The following VPS13B variants were observed in gnomAD, a reference collection of about 807,000 sequenced individuals.
The protein encoded by VPS13B is vacuolar protein sorting 13 homolog B.
A neutral mutation model predicts 426.4 loss-of-function variants in VPS13B; 285 were observed. That is an observed-to-expected ratio of 0.67 (90% confidence interval 0.61 to 0.74). The LOEUF (loss-of-function observed/expected upper bound fraction) is 0.74, where lower values mean the gene tolerates loss of function less well. Among genes scored for constraint, VPS13B ranks in the 30% least tolerant of loss-of-function variants. VPS13B has a pLI of 0.00. For synonymous variants in VPS13B, 1,676 were observed against 1,676.4 expected (o/e 1.00, Z 0.01); for missense variants, 4,537 against 4,782.6 (o/e 0.95, Z 1.51).
intron 19 of VPS13B, among the ~76,000 whole-genome samples, chr8:99,300,732 G>T (rs1820313975): frequency 6.6e-6 from 1 of 152,068 alleles, no homozygotes; most frequent in African/African-American, 2.4e-5. Context: ...TTACAGAGCT[G>T]GGTTTTAGCC....
intron 33 of VPS13B, among the ~76,000 whole-genome samples, chr8:99,589,449 T>C (rs1826490348): frequency 6.6e-6 from 1 of 151,572 alleles, no homozygotes; most frequent in African/African-American, 2.4e-5. Context: ...AGTGAGAACA[T>C]GCGGTGTTTG....
At chr8:99,874,001 C>A (rs1342200956) in intron 61 of VPS13B, among the ~76,000 whole-genome samples, 1 of 152,208 alleles carries the variant, frequency 6.6e-6, no homozygotes, top group African/African-American at 2.4e-5. Context: ...TGACATCATG[C>A]AGTACATTTA....
At chr8:99,585,869 T>C (rs1049192349) in intron 33 of VPS13B, among the ~76,000 whole-genome samples, 54 of 152,220 alleles carry the variant, frequency 3.5e-4, no homozygotes, top group African/African-American at 1.3e-3. Flanking sequence ...TCCCTTACTA[T>C]GTTTAACTTT....
chr8:99,608,132 A>G (rs1827680367), intron 33 of VPS13B, among the ~76,000 whole-genome samples: 1 of 151,230 alleles, frequency 6.6e-6, no homozygotes, highest in Admixed American at 6.7e-5. Context: ...AACCAGTGGT[A>G]GTATATTTTT....
intron 12 of VPS13B, among the ~76,000 whole-genome samples, chr8:99,139,723 C>G (rs1810293370): frequency 6.6e-6 from 1 of 152,028 alleles, no homozygotes; most frequent in African/African-American, 2.4e-5. Flanking sequence ...AGGTGTGAGC[C>G]ACTGCGCCCG....
At position 99,825,551 on chromosome 8, in the gene VPS13B, C is replaced by T. The variant is rs188737737; in HGVS notation, c.9330+1573C>T. 2.5e-3 allele frequency among the ~76,000 whole-genome samples: 377 copies of T among 152,290 alleles called. 1 individual carries two copies. Among genetic ancestry groups the T allele is most frequent in the African/African-American group, 7.5e-3 (313 of 41,556 alleles). The stretch of plus-strand genomic sequence containing the variant: ...TTCATTCTGATGATAGTTTCTTTTG[C>T]TGTGCAGAAGCTCTCTAGTTTAATT... On this transcript the variant is annotated intron_variant, in intron 51 of 61. Coordinates refer to ENST00000357162, the MANE Select transcript of VPS13B (RefSeq NM_152564.5).
At chr8:99,266,388 G>T (rs1172077912) in intron 17 of VPS13B, among the ~76,000 whole-genome samples, 1 of 151,862 alleles carries the variant, frequency 6.6e-6, no homozygotes, top group African/African-American at 2.4e-5. Context: ...CTCCAGCCTG[G>T]GCAACAGAGT....
chr8:99,447,003 G>A (rs112846436), intron 23 of VPS13B, among the ~76,000 whole-genome samples: 166 of 152,026 alleles, frequency 1.1e-3, no homozygotes, highest in African/African-American at 3.8e-3. Flanking sequence ...ATATTTTCAA[G>A]GCTTCCTTTT....
At chr8:99,152,500 C>T (rs769648551) in intron 14 of VPS13B, among the ~76,000 whole-genome samples, 1 of 152,064 alleles carries the variant, frequency 6.6e-6, no homozygotes, top group Non-Finnish European at 1.5e-5. Context: ...CCATTGATGT[C>T]TATTATATCT....
chr8:99,051,417 G>A, intron 3 of VPS13B, among the ~76,000 whole-genome samples: 1 of 151,336 alleles, frequency 6.6e-6, no homozygotes, highest in Non-Finnish European at 1.5e-5. Flanking sequence ...GTACCATGCT[G>A]TTTTGGTTAC....
At chr8:99,342,249 A>T (rs760710522) in intron 19 of VPS13B, among the ~76,000 whole-genome samples, 6 of 152,182 alleles carry the variant, frequency 3.9e-5, no homozygotes, top group Non-Finnish European at 7.3e-5. Flanking sequence ...TTTCATGGTG[A>T]GACATTTGAA....
At chr8:99,223,589 T>C (rs1169569284) in intron 17 of VPS13B, among the ~76,000 whole-genome samples, 1 of 152,170 alleles carries the variant, frequency 6.6e-6, no homozygotes, top group Non-Finnish European at 1.5e-5. Context: ...TCTGACCTCT[T>C]AGCCCCTATG....
intron 34 of VPS13B, among the ~76,000 whole-genome samples, chr8:99,647,538 C>T (rs1829632759): frequency 6.7e-6 from 1 of 149,152 alleles, no homozygotes; most frequent in Non-Finnish European, 1.5e-5. Flanking sequence ...GAGATCACAC[C>T]ATTGCACTCC....
chr8:99,217,515 A>T (rs887768115), intron 17 of VPS13B, among the ~76,000 whole-genome samples: 4 of 152,182 alleles, frequency 2.6e-5, no homozygotes, highest in Admixed American at 6.5e-5. Flanking sequence ...CATTCAGTAG[A>T]TATTTTTTTA....
intron 3 of VPS13B, among the ~76,000 whole-genome samples, chr8:99,087,844 T>C (rs578132196): frequency 1.3e-5 from 2 of 152,198 alleles, no homozygotes; most frequent in African/African-American, 4.8e-5. Context: ...TGTGCACATA[T>C]ATAATTGTAT....
chr8:99,603,714 T>C (rs1225993865), intron 33 of VPS13B, among the ~76,000 whole-genome samples: 1 of 152,204 alleles, frequency 6.6e-6, no homozygotes, highest in East Asian at 1.9e-4. Context: ...ACGGACTCTT[T>C]ATTTCTGGAA....
At chr8:99,794,858 A>G (rs1194481591) in intron 43 of VPS13B, among the ~76,000 whole-genome samples, 1 of 152,226 alleles carries the variant, frequency 6.6e-6, no homozygotes, top group Non-Finnish European at 1.5e-5. Flanking sequence ...ACTGAGGGAC[A>G]TAACCCTTAA....
At chr8:99,875,151 C>T in intron 61 of VPS13B, 1 of 499,570 alleles carries the variant, frequency 2.0e-6, no homozygotes, top group Non-Finnish European at 3.6e-6. Context: ...AAATCGTCAA[C>T]TTCAAACATG....
At chr8:99,407,074 AGAGATTCATT>A (rs758334037) in intron 21 of VPS13B, among the ~76,000 whole-genome samples, 1 of 152,194 alleles carries the variant, frequency 6.6e-6, no homozygotes, top group Non-Finnish European at 1.5e-5. Context: ...ACTTTCTACC[AGAGATTCATT>A]CTTAAGTAGT....
Sources: allele counts gnomAD v4.1 joint callset (sites outside exome capture counted in the v4.1 genomes callset), GRCh38; gene constraint gnomAD v4.1.1; transcripts MANE v1.5; gene names NCBI Gene and HGNC (gene_info 2026-07-23, HGNC 2026-07-21).